Variants in AOPEP observed in about 807,000 individuals in gnomAD.
AOPEP encodes aminopeptidase O (putative).
AOPEP carries 77 observed loss-of-function variants against 98.1 expected under a neutral mutation model. That is an observed-to-expected ratio of 0.78 (90% CI 0.65 to 0.95). The LOEUF (loss-of-function observed/expected upper bound fraction) is 0.95, where lower values mean the gene tolerates loss of function less well. AOPEP is among the 40% of genes least tolerant of loss of function. The pLI is 0.00. For synonymous variants in AOPEP, 346 were observed against 365.3 expected, an observed-to-expected ratio of 0.95 and a Z score of 0.60; for missense variants, 1,024 against 1,024.7, an observed-to-expected ratio of 1.00 and a Z score of 0.01.
the AOPEP span, among the ~76,000 whole-genome samples, chr9:95,130,282 C>G: frequency 4.1e-5 from 6 of 146,794 alleles, no homozygotes; most frequent in African/African-American, 7.5e-5. Context: ...TTTGCTGATT[C>G]TGTGTGTGTG....
intron 14 of AOPEP, among the ~76,000 whole-genome samples, chr9:95,071,526 AT>A: frequency 6.6e-6 from 1 of 152,294 alleles, no homozygotes; most frequent in East Asian, 1.9e-4. Context: ...AAAAGGAGCC[AT>A]ACGTGCTTTT....
downstream of AOPEP, among the ~76,000 whole-genome samples, chr9:95,087,990 C>G (rs367597723): frequency 6.6e-6 from 1 of 152,184 alleles, no homozygotes; most frequent in East Asian, 1.9e-4. Context: ...GCCTTGGTCT[C>G]CAGAACTCTC....
At chr9:95,087,482 CAAA>C (rs746666179), downstream of AOPEP, among the ~76,000 whole-genome samples, 75 of 37,422 alleles carry the variant, frequency 2.0e-3, no homozygotes, top group African/African-American at 7.6e-3. Flanking sequence ...GACTCCATCT[CAAA>C]AAAAAAAAAA....
At chr9:95,001,910 T>C (rs950763217) in intron 11 of AOPEP, among the ~76,000 whole-genome samples, 2 of 151,274 alleles carry the variant, frequency 1.3e-5, no homozygotes, top group Middle Eastern at 3.4e-3. Context: ...CCCAGATAGC[T>C]GGTACCGCAG....
intron 5 of AOPEP, among the ~76,000 whole-genome samples, chr9:94,824,089 A>G (rs1490136499): frequency 2.0e-5 from 3 of 152,188 alleles, no homozygotes; most frequent in African/African-American, 7.2e-5. Context: ...ATGTACACCA[A>G]TTTAACCAGA....
the AOPEP span, among the ~76,000 whole-genome samples, chr9:95,102,903 G>A: frequency 1.3e-4 from 20 of 152,356 alleles, no homozygotes; most frequent in Middle Eastern, 3.4e-3. Flanking sequence ...GCCTGCAGCC[G>A]GCCTGCAACG....
intron 1 of AOPEP, among the ~76,000 whole-genome samples, chr9:94,752,660 A>AATT (rs1836096419): frequency 6.6e-6 from 1 of 152,258 alleles, no homozygotes; most frequent in East Asian, 1.9e-4. Flanking sequence ...AGATAAACTT[A>AATT]AGTAAAAAGG....
intron 5 of AOPEP, among the ~76,000 whole-genome samples, chr9:94,889,121 G>A (rs7030703): frequency 0.85 from 128,867 of 151,506 alleles, 56,480 homozygotes; most frequent in Non-Finnish European, 0.95. Flanking sequence ...AGCCTCCTGA[G>A]TAGCTGGTAT....
intron 13 of AOPEP, among the ~76,000 whole-genome samples, chr9:95,011,671 G>A (rs1157630783): frequency 6.6e-6 from 1 of 152,030 alleles, no homozygotes; most frequent in Non-Finnish European, 1.5e-5. Context: ...TAAAAATTAG[G>A]TATGATGGTA....
chr9:94,988,994 C>T (rs915482527), intron 11 of AOPEP, among the ~76,000 whole-genome samples: 9 of 151,416 alleles, frequency 5.9e-5, no homozygotes, highest in African/African-American at 1.9e-4. Flanking sequence ...CTGCAATCTC[C>T]GCCTCCTGGG....
At chr9:95,080,517 A>G (rs1056488600) in intron 14 of AOPEP, among the ~76,000 whole-genome samples, 177 bp from the exon 15 acceptor site, 6 of 152,198 alleles carry the variant, frequency 3.9e-5, no homozygotes, top group Non-Finnish European at 1.5e-5. Context: ...CTCTGTCTCA[A>G]AGAAAATAAA....
chr9:94,861,234 G>A (rs1223718340), intron 5 of AOPEP, among the ~76,000 whole-genome samples: 3 of 152,122 alleles, frequency 2.0e-5, no homozygotes, highest in Non-Finnish European at 4.4e-5. Context: ...TGGTTTGAGG[G>A]CAGCAGCAGC....
rs2055123221 is a variant in AOPEP at position 94,930,591 on chromosome 9, T to C, written c.1661+2060T>C. 6.6e-6 allele frequency among the ~76,000 whole-genome samples: 1 copy of C among 151,892 alleles called. No individual in the cohort carries two copies. The highest frequency in any genetic ancestry group is 2.4e-5 in the African/African-American group (1 of 41,364). ...AAGAGGGGGAGCCAACAGAGGACTC[T>C]GGGGAAACCATTATGTGTTTCCCCA... On this transcript the variant is annotated intron_variant, in intron 7 of 16. Transcript: ENST00000375315. The surrounding 1 kb of genome is among the most constrained non-coding windows in gnomAD (Gnocchi z 4.5).
intron 5 of AOPEP, among the ~76,000 whole-genome samples, chr9:94,848,564 G>A (rs952518885): frequency 6.6e-6 from 1 of 151,810 alleles, no homozygotes; most frequent in Non-Finnish European, 1.5e-5. Flanking sequence ...AGAAGTTGCA[G>A]TGAGCCAAGA....
chr9:95,143,918 G>C, the AOPEP span, among the ~76,000 whole-genome samples: 1 of 152,154 alleles, frequency 6.6e-6, no homozygotes, highest in Non-Finnish European at 1.5e-5. Flanking sequence ...CCATAAAGAG[G>C]GGCAAGCATC....
chr9:94,819,644 G>T (rs150702269), intron 5 of AOPEP, among the ~76,000 whole-genome samples: 4 of 152,200 alleles, frequency 2.6e-5, no homozygotes, highest in Non-Finnish European at 5.9e-5. Flanking sequence ...GCACGATCTG[G>T]GCTCATTGCA....
chr9:95,130,996 GATCTAT>G, the AOPEP span, among the ~76,000 whole-genome samples: 1 of 152,038 alleles, frequency 6.6e-6, no homozygotes, highest in African/African-American at 2.4e-5. Flanking sequence ...TACATTTTCA[GATCTAT>G]TTTGTTTTAA....
intron 5 of AOPEP, among the ~76,000 whole-genome samples, chr9:94,876,643 G>A (rs1455146415): frequency 6.6e-6 from 1 of 152,144 alleles, no homozygotes; most frequent in Non-Finnish European, 1.5e-5. Flanking sequence ...GGGATTACAG[G>A]CGTGAACCAC....
intron 7 of AOPEP, among the ~76,000 whole-genome samples, chr9:94,937,045 A>C (rs1319169789): frequency 6.6e-6 from 1 of 152,152 alleles, no homozygotes; most frequent in African/African-American, 2.4e-5. Context: ...CGTTATACAG[A>C]CATGATTCGT....
Sources: allele counts gnomAD v4.1 joint callset (sites outside exome capture counted in the v4.1 genomes callset), GRCh38; gene constraint gnomAD v4.1.1; non-coding constraint Gnocchi (gnomAD v3.1); transcripts MANE v1.5; gene names NCBI Gene and HGNC (gene_info 2026-07-23, HGNC 2026-07-21).